KMT2C: variants seen among roughly 807,000 people sequenced by gnomAD.
The protein encoded by KMT2C is histone-lysine N-methyltransferase 2C.
A neutral mutation model predicts 507.9 loss-of-function variants in KMT2C; 88 were observed. The ratio of observed to expected loss-of-function variants is 0.17; its 90% CI spans 0.15 to 0.21. KMT2C has a LOEUF of 0.21. Ranked by LOEUF, KMT2C falls within the 10% of genes least tolerant of loss-of-function variation. KMT2C has a pLI of 1.00. For missense variants in KMT2C, 4,954 were observed against 5,957.8 expected, an observed-to-expected ratio of 0.83 and a Z score of 5.55; for synonymous variants, 2,049 against 2,080.8, an observed-to-expected ratio of 0.98 and a Z score of 0.42.
intron 2 of KMT2C, among the ~76,000 whole-genome samples, chr7:152,349,910 T>C (rs765655950): frequency 7.9e-5 from 12 of 152,262 alleles, no homozygotes; most frequent in Non-Finnish European, 1.8e-4. Context: ...GAGATTTCAG[T>C]ACCTTCCTCA....
chr7:152,426,792 T>C lies in KMT2C; in HGVS notation c.161+8834A>G, dbSNP rs112748389. On this transcript the variant is annotated intron_variant, in intron 1 of 58. Coordinates refer to ENST00000262189, the MANE Select transcript of KMT2C (RefSeq NM_170606.3). The stretch of plus-strand genomic sequence containing the variant: ...GTCCTCTCTACAGGTGAGGCAACCA[T>C]AGCACAAAAAATTTAAGTAACTTGC... Among the ~76,000 whole-genome samples, 20 of 152,232 alleles carry C rather than the reference T, an allele frequency of 1.3e-4. No homozygotes were observed. In the South Asian group the frequency reaches 1.7e-3, roughly 13 times the overall value.
At chr7:152,258,402 G>A (rs1224240263) in intron 9 of KMT2C, among the ~76,000 whole-genome samples, 2 of 152,212 alleles carry the variant, frequency 1.3e-5, no homozygotes, top group African/African-American at 4.8e-5. Context: ...AGAAAGCAGA[G>A]GGCTAACTGG....
chr7:152,291,815 T>C (rs1467348591), intron 6 of KMT2C, among the ~76,000 whole-genome samples: 1 of 152,284 alleles, frequency 6.6e-6, no homozygotes, highest in East Asian at 1.9e-4. Flanking sequence ...TTAGAGCAAT[T>C]ACTCTCGCTG....
At chr7:152,183,260 G>A (rs1185795658) in intron 34 of KMT2C, 104 bp from the exon 35 acceptor site, 20 of 929,532 alleles carry the variant, frequency 2.2e-5, no homozygotes, top group African/African-American at 1.7e-5. Flanking sequence ...AAAAAAGTCA[G>A]GTAAAATAGC....
rs1315629061 is a variant in KMT2C at position 152,297,055 on chromosome 7, C to CAGACAGACAG, written c.849+12910_849+12911insCTGTCTGTCT. On this transcript the variant is annotated intron_variant, in intron 6 of 58. Coordinates refer to ENST00000262189, the MANE Select transcript of KMT2C (RefSeq NM_170606.3). ...AAAGAAAGAAAGAAAGAAAGAAAGACAGAGAGAGAGAGAGAGAGAGAGAGA... is the reference window on the plus strand; with the variant it reads ...AAAGAAAGAAAGAAAGAAAGAAAGACAGACAGACAGAGAGAGAGAGAGAGAGAGAGAGAGA... Among the ~76,000 whole-genome samples, 352 of 84,412 alleles carry CAGACAGACAG rather than the reference C, an allele frequency of 4.2e-3. 4 individuals carry two copies. The highest frequency in any genetic ancestry group is 6.0e-3 in the Middle Eastern group (1 of 166). The allele number at this position is 84,412 out of a possible 152,430, so 55.4% of individuals were successfully genotyped here.
In KMT2C at chr7:152,250,929, A is replaced by T; in HGVS notation, c.1659T>A (p.Asp553Glu). ...NNEMEVEGPE[D>E]QMVFSEQAAN... ...CTGCCTGCTCTGAGAATACCATTTG[A>T]TCTTCAGGGCCTTCAACTTCCATTT... is the stretch of plus-strand genomic sequence containing the variant. Residue 553 changes from aspartate to glutamate, a missense_variant, in exon 12 of 59, where the codon GAT becomes GAA. Around this residue, in one of 29 missense-constraint regions of KMT2C, gnomAD observed 376 missense variants for 352.4 expected, o/e 1.07. Transcript: ENST00000262189. 1 of 1,609,256 alleles carries T rather than the reference A, an allele frequency of 6.2e-7. No homozygotes were observed. The highest frequency in any genetic ancestry group is 8.5e-7 in the Non-Finnish European group (1 of 1,175,716).
intron 18 of KMT2C, among the ~76,000 whole-genome samples, chr7:152,228,253 T>C (rs1427285706): frequency 1.3e-5 from 2 of 152,200 alleles, no homozygotes; most frequent in Non-Finnish European, 2.9e-5. Flanking sequence ...GAGTCCCCAG[T>C]AATTTTAAAG....
rs746222774 is a variant in KMT2C, at chr7:152,181,570, G to A, written c.6290C>T (p.Pro2097Leu). 16 of 1,613,838 alleles carry A rather than the reference G, an allele frequency of 9.9e-6. No individual in the cohort carries two copies. In the Admixed American group the frequency reaches 1.2e-4, roughly 12 times the overall value. The change falls in exon 36 of 59, where the codon CCT becomes CTT. Residue 2097 changes from proline (P) to leucine (L), a missense_variant. Around this residue, in one of 29 missense-constraint regions of KMT2C, gnomAD observed 1,689 missense variants for 1,654.3 expected, o/e 1.02. Coordinates refer to ENST00000262189, the MANE Select transcript of KMT2C (RefSeq NM_170606.3). ...CACTGCTGGATGTGGGGTAAGGGGAGGCTGACTATATGGATCATTTGACTG... is the reference window on the plus strand; with the variant it reads ...CACTGCTGGATGTGGGGTAAGGGGAAGCTGACTATATGGATCATTTGACTG... ...HNQSNDPYSQ[P>L]PLTPHPAVNE... is the part of the protein sequence containing the mutation.
intron 14 of KMT2C, among the ~76,000 whole-genome samples, chr7:152,239,226 C>T (rs1238719130): frequency 2.0e-5 from 3 of 152,088 alleles, no homozygotes; most frequent in Non-Finnish European, 4.4e-5. Context: ...TATCACTCTA[C>T]TTAAAAGGAG....
chr7:152,340,095 C>A (rs1383899611), intron 2 of KMT2C, among the ~76,000 whole-genome samples: 1 of 151,876 alleles, frequency 6.6e-6, no homozygotes, highest in Non-Finnish European at 1.5e-5. Context: ...GGTATCCTCC[C>A]ACCTCAGCTT....
chr7:152,408,044 C>A, intron 1 of KMT2C, among the ~76,000 whole-genome samples: 1 of 152,192 alleles, frequency 6.6e-6, no homozygotes, highest in Non-Finnish European at 1.5e-5. Context: ...AATCCCAGCA[C>A]TCTGGGAGGC....
intron 16 of KMT2C, 28 bp downstream of exon 16, chr7:152,235,789 G>A (rs770806547): frequency 7.4e-7 from 1 of 1,345,504 alleles, no homozygotes; most frequent in Admixed American, 1.7e-5. Context: ...ATTTAGATTA[G>A]AGAAAATATA....
At chr7:152,259,643 C>G (rs2095735023) in intron 9 of KMT2C, among the ~76,000 whole-genome samples, 1 of 152,004 alleles carries the variant, frequency 6.6e-6, no homozygotes, top group Admixed American at 6.5e-5. Context: ...CATAACATAC[C>G]AACAAACAGA....
intron 49 of KMT2C, 98 bp downstream of exon 49, chr7:152,152,607 A>T (rs2129097220): frequency 7.1e-7 from 1 of 1,412,000 alleles, no homozygotes; most frequent in Non-Finnish European, 9.9e-7. Flanking sequence ...CCAGCATGTT[A>T]CCTGTCCGTT....
At chr7:152,201,903 C>G (rs2094155601) in intron 26 of KMT2C, among the ~76,000 whole-genome samples, 1 of 152,082 alleles carries the variant, frequency 6.6e-6, no homozygotes, top group African/African-American at 2.4e-5. Flanking sequence ...ACACAGCTAA[C>G]TGGTAGTGGA....
At chr7:152,290,277 TATATATATATATATA>T in intron 6 of KMT2C, among the ~76,000 whole-genome samples, 2 of 33,874 alleles carry the variant, frequency 5.9e-5, no homozygotes, top group Non-Finnish European at 5.7e-5. Flanking sequence ...TATATATATA[TATATATATATATATA>T]TATTTTTTTT....
intron 1 of KMT2C, among the ~76,000 whole-genome samples, chr7:152,361,051 T>C (rs1161474102): frequency 6.6e-6 from 1 of 152,078 alleles, no homozygotes; most frequent in Non-Finnish European, 1.5e-5. Flanking sequence ...GCCAGGATGA[T>C]TCAACATTAG....
At chr7:152,336,631 T>C (rs1307978475) in intron 2 of KMT2C, among the ~76,000 whole-genome samples, 1 of 152,122 alleles carries the variant, frequency 6.6e-6, no homozygotes, top group Admixed American at 6.6e-5. Flanking sequence ...AATAAAACAG[T>C]CCAGGTTTGG....
At chr7:152,371,510 G>A (rs1564022030) in intron 1 of KMT2C, among the ~76,000 whole-genome samples, 2 of 152,046 alleles carry the variant, frequency 1.3e-5, no homozygotes, top group Admixed American at 6.5e-5. Flanking sequence ...TTGACAAAAT[G>A]GCGATAGCAT....
Sources: allele counts gnomAD v4.1 joint callset (sites outside exome capture counted in the v4.1 genomes callset), GRCh38; gene constraint gnomAD v4.1.1; regional missense constraint gnomAD v4.1.1; transcripts MANE v1.5; gene names NCBI Gene and HGNC (gene_info 2026-07-23, HGNC 2026-07-21).